Variants in ANO3 observed in about 807,000 individuals in gnomAD.
ANO3 encodes the protein anoctamin-3.
Under a neutral mutation model 144.8 loss-of-function variants are expected in ANO3, and 99 were observed. That is an observed-to-expected ratio of 0.68 (90% CI 0.58 to 0.81). The LOEUF is 0.81. Ranked by LOEUF, ANO3 falls within the 30% of genes least tolerant of loss-of-function variation. The probability of loss-of-function intolerance (pLI) is 0.00; values close to 1 mark genes in which losing one functional copy is unlikely to be tolerated. For missense variants in ANO3, 905 were observed against 1,202.2 expected, an observed-to-expected ratio of 0.75 and a Z score of 3.66; for synonymous variants, 414 against 392.6, an observed-to-expected ratio of 1.05 and a Z score of -0.64.
intron 1 of ANO3, among the ~76,000 whole-genome samples, chr11:26,211,532 A>C (rs2133782905): frequency 6.6e-6 from 1 of 152,308 alleles, no homozygotes; most frequent in South Asian, 2.1e-4. Flanking sequence ...CACCAGTTAG[A>C]ATGGCAATCA....
intron 4 of ANO3, among the ~76,000 whole-genome samples, chr11:26,477,370 GATGTATTTGTGT>G (rs1478454124): frequency 3.3e-5 from 5 of 152,062 alleles, no homozygotes; most frequent in African/African-American, 1.2e-4. Flanking sequence ...TCCATGCCCA[GATGTATTTGTGT>G]ATGGAGTTTT....
At chr11:26,611,327 C>T (rs1464218784) in intron 17 of ANO3, among the ~76,000 whole-genome samples, 1 of 152,004 alleles carries the variant, frequency 6.6e-6, no homozygotes, top group African/African-American at 2.4e-5. Context: ...TCTCATTTGT[C>T]TCAAGTAATT....
intron 1 of ANO3, among the ~76,000 whole-genome samples, chr11:26,336,944 C>T (rs564031158): frequency 9.2e-5 from 14 of 152,104 alleles, no homozygotes; most frequent in Non-Finnish European, 1.3e-4. Flanking sequence ...TTTTCTTAGG[C>T]TGGTACTGAA....
chr11:26,584,927 A>G (rs375935460), intron 14 of ANO3, among the ~76,000 whole-genome samples: 1 of 152,222 alleles, frequency 6.6e-6, no homozygotes, highest in Non-Finnish European at 1.5e-5. Flanking sequence ...CTGCTGTCAG[A>G]GAGGCAGGTG....
chr11:26,352,414 T>C (rs1371930668), intron 1 of ANO3, among the ~76,000 whole-genome samples: 1 of 152,158 alleles, frequency 6.6e-6, no homozygotes, highest in African/African-American at 2.4e-5. Context: ...AGGGTCTAGA[T>C]TCTGGGCTGG....
chr11:26,407,645 A>G (rs117595538), intron 1 of ANO3, among the ~76,000 whole-genome samples: 3,661 of 151,866 alleles, frequency 0.024, 65 homozygotes, highest in Middle Eastern at 0.048. Flanking sequence ...TATATTCTCC[A>G]CACTGAGAGC....
intron 1 of ANO3, among the ~76,000 whole-genome samples, chr11:26,235,397 C>G (rs1011941483): frequency 2.0e-5 from 3 of 152,098 alleles, no homozygotes; most frequent in Non-Finnish European, 4.4e-5. Flanking sequence ...GTGTTTCTCT[C>G]TTTCCAAAAC....
chr11:26,202,898 G>A (rs1040268369), intron 1 of ANO3, among the ~76,000 whole-genome samples: 1 of 152,092 alleles, frequency 6.6e-6, no homozygotes, highest in East Asian at 1.9e-4. Context: ...GATCATTTCT[G>A]ATTTACCAAG....
intron 14 of ANO3, among the ~76,000 whole-genome samples, chr11:26,571,175 TAGAA>T (rs1005816865): frequency 3.3e-5 from 5 of 152,000 alleles, no homozygotes; most frequent in East Asian, 3.9e-4. Context: ...GTGTCAAGCT[TAGAA>T]AGAAAGAAAG....
At chr11:26,372,552 A>C (rs1049279904) in intron 1 of ANO3, among the ~76,000 whole-genome samples, 3 of 152,218 alleles carry the variant, frequency 2.0e-5, no homozygotes, top group African/African-American at 7.2e-5. Flanking sequence ...TTCATGCCTG[A>C]ATAATTAAGT....
intron 1 of ANO3, among the ~76,000 whole-genome samples, chr11:26,414,294 T>C (rs1448458168): frequency 2.0e-5 from 3 of 152,104 alleles, no homozygotes; most frequent in African/African-American, 7.2e-5. Context: ...TGCACACGTA[T>C]GTTTATTGCA....
At chr11:26,581,430 T>C (rs1382726924) in intron 14 of ANO3, among the ~76,000 whole-genome samples, 1 of 151,926 alleles carries the variant, frequency 6.6e-6, no homozygotes, top group Non-Finnish European at 1.5e-5. Context: ...GGTTCACGCC[T>C]GTAATCCTAG....
At chr11:26,217,637 G>A (rs974132390) in intron 1 of ANO3, among the ~76,000 whole-genome samples, 5 of 151,940 alleles carry the variant, frequency 3.3e-5, no homozygotes, top group African/African-American at 7.2e-5. Flanking sequence ...AGTCAAATTG[G>A]TTAATATTTG....
intron 1 of ANO3, among the ~76,000 whole-genome samples, chr11:26,324,016 G>A (rs1406089612): frequency 6.6e-6 from 1 of 152,132 alleles, no homozygotes; most frequent in East Asian, 1.9e-4. Flanking sequence ...ATCTGTTAAA[G>A]CCACATTCAC....
chr11:26,402,268 C>T (rs1857165815), intron 1 of ANO3, among the ~76,000 whole-genome samples: 1 of 152,018 alleles, frequency 6.6e-6, no homozygotes, highest in African/African-American at 2.4e-5. Context: ...CGTCCATAAG[C>T]ATTCCTTTTT....
At chr11:26,522,216 A>ACAAC (rs111327138) in intron 6 of ANO3, among the ~76,000 whole-genome samples, 1 of 150,316 alleles carries the variant, frequency 6.7e-6, no homozygotes, top group Non-Finnish European at 1.5e-5. Context: ...AACAACAACA[A>ACAAC]AAAAAAAACA....
upstream of ANO3, among the ~76,000 whole-genome samples, chr11:26,329,291 T>TACA (rs1854971850): frequency 2.9e-5 from 4 of 135,710 alleles, no homozygotes; most frequent in African/African-American, 1.1e-4. Context: ...GTACTTTCTT[T>TACA]CTTTACACAC....
At chr11:26,572,723 A>G (rs1451536767) in intron 14 of ANO3, among the ~76,000 whole-genome samples, 1 of 152,100 alleles carries the variant, frequency 6.6e-6, no homozygotes, top group East Asian at 1.9e-4. Context: ...TTAGTAGCAT[A>G]TATTGGGATC....
intron 4 of ANO3, among the ~76,000 whole-genome samples, chr11:26,500,462 AT>A (rs1157243306): frequency 3.3e-5 from 5 of 151,950 alleles, no homozygotes; most frequent in Non-Finnish European, 7.4e-5. Context: ...GTCAATACTT[AT>A]TTTTTGTCTT....
Sources: gnomAD v4.1 joint callset for allele counts (sites outside exome capture counted in the v4.1 genomes callset) on GRCh38, gnomAD v4.1.1 for gene constraint, MANE v1.5 for transcripts, NCBI Gene and HGNC (gene_info 2026-07-23, HGNC 2026-07-21) for gene names.